LHFPL3: variants seen among roughly 807,000 people sequenced by gnomAD.
LHFPL3 encodes LHFPL tetraspan subfamily member 3 protein.
LHFPL3 carries 5 observed loss-of-function variants against 19.3 expected under a neutral mutation model. The observed-to-expected ratio is 0.26, with a 90% CI of 0.14 to 0.54. The LOEUF (loss-of-function observed/expected upper bound fraction) is 0.54. Ranked by LOEUF, LHFPL3 falls within the 20% of genes least tolerant of loss-of-function variation. The probability of loss-of-function intolerance (pLI) is 0.94; values close to 1 mark genes in which losing one functional copy is unlikely to be tolerated. For synonymous variants in LHFPL3, 133 were observed against 126.2 expected, an observed-to-expected ratio of 1.05 and a Z score of -0.36; for missense variants, 249 against 307.4, an observed-to-expected ratio of 0.81 and a Z score of 1.42.
At chr7:104,819,299 C>G (rs1790630191) in intron 2 of LHFPL3, among the ~76,000 whole-genome samples, 1 of 151,590 alleles carries the variant, frequency 6.6e-6, no homozygotes, top group Admixed American at 6.6e-5. Flanking sequence ...CAGGGTTCAC[C>G]AGTTCAGTTC....
chr7:104,683,952 A>AC (rs1792759865), intron 1 of LHFPL3, among the ~76,000 whole-genome samples: 1 of 152,188 alleles, frequency 6.6e-6, no homozygotes, highest in African/African-American at 2.4e-5. Flanking sequence ...GATATTTGTG[A>AC]AAAGGCATAT....
At chr7:104,341,664 T>C (rs944823626) in intron 1 of LHFPL3, among the ~76,000 whole-genome samples, 1 of 152,164 alleles carries the variant, frequency 6.6e-6, no homozygotes, top group African/African-American at 2.4e-5. Flanking sequence ...TCCAGTAAGA[T>C]GAGCAGGATA....
intron 1 of LHFPL3, among the ~76,000 whole-genome samples, chr7:104,497,477 C>A (rs913606279): frequency 4.6e-5 from 7 of 152,040 alleles, no homozygotes; most frequent in African/African-American, 7.2e-5. Flanking sequence ...CAACTGGAAT[C>A]CACATGAGAA....
intron 1 of LHFPL3, among the ~76,000 whole-genome samples, chr7:104,414,836 G>A (rs1242083345): frequency 1.3e-5 from 2 of 152,158 alleles, no homozygotes; most frequent in African/African-American, 4.8e-5. Context: ...GACAAATACA[G>A]ATTATGTTGC....
At chr7:104,435,778 T>C (rs541490283) in intron 1 of LHFPL3, among the ~76,000 whole-genome samples, 1 of 152,232 alleles carries the variant, frequency 6.6e-6, no homozygotes, top group South Asian at 2.1e-4. Flanking sequence ...CCTCTGCATT[T>C]GTTTCATGTT....
intron 2 of LHFPL3, among the ~76,000 whole-genome samples, chr7:104,854,509 C>T (rs1791466205): frequency 1.3e-5 from 2 of 152,180 alleles, no homozygotes; most frequent in Admixed American, 1.3e-4. Context: ...GGATGGCATA[C>T]TCTAGCTGGT....
At chr7:104,419,147 T>A (rs763553736) in intron 1 of LHFPL3, among the ~76,000 whole-genome samples, 2 of 152,172 alleles carry the variant, frequency 1.3e-5, no homozygotes, top group African/African-American at 4.8e-5. Flanking sequence ...AAGTTGGAGA[T>A]TGATGAAAGA....
intron 1 of LHFPL3, among the ~76,000 whole-genome samples, chr7:104,379,295 G>A (rs149501918): frequency 2.0e-5 from 3 of 152,274 alleles, no homozygotes; most frequent in Non-Finnish European, 4.4e-5. Flanking sequence ...GGTAATTTGG[G>A]GGAACAGTCT....
chr7:104,350,604 G>C (rs1397624555), intron 1 of LHFPL3, among the ~76,000 whole-genome samples: 3 of 152,236 alleles, frequency 2.0e-5, no homozygotes, highest in African/African-American at 7.2e-5. Flanking sequence ...TGAAACAGCA[G>C]TGAACCAAAC....
chr7:104,583,719 A>T (rs1284965878), intron 1 of LHFPL3, among the ~76,000 whole-genome samples: 1 of 152,172 alleles, frequency 6.6e-6, no homozygotes, highest in Non-Finnish European at 1.5e-5. Context: ...GCTCATCATC[A>T]CTGGCCATCA....
intron 1 of LHFPL3, among the ~76,000 whole-genome samples, chr7:104,497,868 C>T (rs1210073597): frequency 6.6e-6 from 1 of 152,148 alleles, no homozygotes; most frequent in Non-Finnish European, 1.5e-5. Flanking sequence ...AGAGCCCTGA[C>T]ACCTGAGTCA....
At chr7:104,512,701 A>T (rs1793842267) in intron 1 of LHFPL3, among the ~76,000 whole-genome samples, 1 of 151,920 alleles carries the variant, frequency 6.6e-6, no homozygotes, top group Admixed American at 6.6e-5. Context: ...GTGCCACTGC[A>T]CTCCAGCCTG....
At chr7:104,431,792 G>T (rs1792007912) in intron 1 of LHFPL3, among the ~76,000 whole-genome samples, 1 of 152,134 alleles carries the variant, frequency 6.6e-6, no homozygotes, top group African/African-American at 2.4e-5. Flanking sequence ...ATTTCATTCA[G>T]ATTTTTGTCT....
chr7:104,510,217 T>C (rs1404886001), intron 1 of LHFPL3, among the ~76,000 whole-genome samples: 1 of 152,118 alleles, frequency 6.6e-6, no homozygotes, highest in African/African-American at 2.4e-5. Context: ...TTTCTGTAGA[T>C]ACAGAAAATA....
In LHFPL3 at chr7:104,575,614, C is replaced by A. The variant is rs1352560174; in HGVS notation, c.446-161061C>A. 2.7e-5 allele frequency among the ~76,000 whole-genome samples: 4 copies of A among 147,284 alleles called. No individual in the cohort carries two copies. In the East Asian group the frequency reaches 7.9e-4, roughly 29 times the overall value. The stretch of plus-strand genomic sequence containing the variant: ...GAAACAAGCAACCTGCCCAGAGAGT[C>A]CCAATGGTGGGCTTCTTTGCTTTAT... On this transcript the variant is annotated intron_variant, in intron 1 of 2. Transcript: ENST00000424859.
chr7:104,705,783 G>A (rs1007855809), intron 1 of LHFPL3, among the ~76,000 whole-genome samples: 1 of 152,150 alleles, frequency 6.6e-6, no homozygotes, highest in African/African-American at 2.4e-5. Context: ...TGGGGAACAG[G>A]TGGCAGTCAT....
intron 1 of LHFPL3, among the ~76,000 whole-genome samples, chr7:104,603,058 T>G (rs1791001039): frequency 7.0e-6 from 1 of 142,444 alleles, no homozygotes; most frequent in Non-Finnish European, 1.5e-5. Flanking sequence ...TTTTTTTTCT[T>G]TCTTTCTTTT....
intron 1 of LHFPL3, among the ~76,000 whole-genome samples, chr7:104,585,659 C>T (rs950490584): frequency 2.6e-5 from 4 of 152,054 alleles, no homozygotes; most frequent in Admixed American, 2.0e-4. Flanking sequence ...AAGTGAAGAA[C>T]CTTTGGCTGA....
chr7:104,652,784 T>C (rs1182271412), intron 1 of LHFPL3, among the ~76,000 whole-genome samples: 1 of 152,104 alleles, frequency 6.6e-6, no homozygotes, highest in Non-Finnish European at 1.5e-5. Flanking sequence ...GTAACTACTA[T>C]AGTAGGGAAG....
Sources: allele counts gnomAD v4.1 joint callset (sites outside exome capture counted in the v4.1 genomes callset), GRCh38; gene constraint gnomAD v4.1.1; transcripts MANE v1.5; gene names NCBI Gene and HGNC (gene_info 2026-07-23, HGNC 2026-07-21).